Variants in NR5A2 observed in about 807,000 individuals in gnomAD.
NR5A2 encodes CYP7A promoter-binding factor.
A neutral mutation model predicts 62.7 loss-of-function variants in NR5A2; 26 were observed. That is an observed-to-expected ratio of 0.41 (90% CI 0.30 to 0.58). The LOEUF (loss-of-function observed/expected upper bound fraction) is 0.58. NR5A2 is among the 20% of genes least tolerant of loss of function. The pLI is 0.22. For synonymous variants in NR5A2, 246 were observed against 241.7 expected (o/e 1.02, Z -0.16); for missense variants, 541 against 669.1 (o/e 0.81, Z 2.11).
chr1:200,087,225 T>C, intron 5 of NR5A2, among the ~76,000 whole-genome samples: 1 of 140,746 alleles, frequency 7.1e-6, no homozygotes, highest in Admixed American at 7.3e-5. Flanking sequence ...CTTCAACACA[T>C]ACACCCTTCT....
chr1:200,076,736 A>G (rs1664058204), intron 5 of NR5A2, among the ~76,000 whole-genome samples: 1 of 152,190 alleles, frequency 6.6e-6, no homozygotes, highest in Non-Finnish European at 1.5e-5. Flanking sequence ...TGACTTGCTT[A>G]GCATTTTTGT....
intron 7 of NR5A2, among the ~76,000 whole-genome samples, chr1:200,164,008 CTGGTGTTGTCTTGG>C (rs1653777529): frequency 6.6e-6 from 1 of 151,952 alleles, no homozygotes; most frequent in Non-Finnish European, 1.5e-5. Flanking sequence ...CCCTCAGGGC[CTGGTGTTGTCTTGG>C]TGATAGTGAG....
chr1:200,143,338 C>G (rs920347491), intron 7 of NR5A2, among the ~76,000 whole-genome samples: 3 of 152,184 alleles, frequency 2.0e-5, no homozygotes, highest in Admixed American at 6.5e-5. Context: ...AACTCCCAGT[C>G]CGGGGATATA....
In NR5A2 at chr1:200,077,193, T is replaced by C. The variant is rs78170298; in HGVS notation, c.1110+28375T>C. On this transcript the variant is annotated intron_variant, in intron 5 of 7. Transcript: ENST00000367362. ...TGTTTTATGTTGTTTTAAAAACATA[T>C]GTATTTCTCATAATTAGGTTTCGGC... Among the ~76,000 whole-genome samples the C allele has an allele frequency of 2.4e-3, 364 of 152,354 alleles. 4 individuals carry two copies. The East Asian group carries it at 0.03, about 13-fold the overall frequency.
intron 6 of NR5A2, among the ~76,000 whole-genome samples, chr1:200,113,790 A>G (rs1231488148): frequency 2.0e-5 from 3 of 152,224 alleles, no homozygotes; most frequent in Non-Finnish European, 2.9e-5. Flanking sequence ...TGTGTACACA[A>G]ATTTTAAGAA....
At chr1:200,136,873 A>G (rs1315609580) in intron 7 of NR5A2, among the ~76,000 whole-genome samples, 1 of 152,234 alleles carries the variant, frequency 6.6e-6, no homozygotes, top group Non-Finnish European at 1.5e-5. Context: ...CGGTTTCAAG[A>G]AGTATCACAG....
chr1:200,111,609 A>G (rs1173152572), intron 6 of NR5A2, among the ~76,000 whole-genome samples: 1 of 152,194 alleles, frequency 6.6e-6, no homozygotes, highest in Non-Finnish European at 1.5e-5. Flanking sequence ...AATGATTAGT[A>G]CCCAGGTTTT....
At chr1:200,096,957 A>C (rs1304371527) in intron 5 of NR5A2, among the ~76,000 whole-genome samples, 1 of 152,218 alleles carries the variant, frequency 6.6e-6, no homozygotes, top group African/African-American at 2.4e-5. Flanking sequence ...GAAATCACCT[A>C]ATGATGCATT....
In NR5A2 at chr1:200,089,339, C is replaced by T. The variant is rs571600655; in HGVS notation, c.1111-21863C>T. Among the ~76,000 whole-genome samples the T allele has an allele frequency of 1.4e-4, 21 of 151,794 alleles. 1 individual carries two copies. The South Asian group carries it at 2.3e-3, about 17-fold the overall frequency. On this transcript the variant is annotated intron_variant, in intron 5 of 7. Coordinates refer to ENST00000367362, the MANE Select transcript of NR5A2 (RefSeq NM_205860.3). ...AAGAGATTCTCATGTTACAGCCTCC[C>T]GAGTAGAGACTGGGTTTCGCCACTT...
chr1:200,048,061 C>A lies in NR5A2; in HGVS notation c.464-111C>A. 2 of 1,032,690 alleles carry A rather than the reference C, an allele frequency of 1.9e-6. No individual in the cohort carries two copies. The highest frequency in any genetic ancestry group is 2.8e-6 in the Non-Finnish European group (2 of 709,380). The allele number at this position is 1,032,690 out of a possible 1,614,324, so 64.0% of individuals were successfully genotyped here. A position where few individuals can be genotyped will look rare whatever the true frequency, so the allele number is the denominator to read the frequency against. ...TTGTGGGCTATTGTAACGAAAACAA[C>A]CACACACATACCACTTCTTGTCGAT... On this transcript the variant is annotated intron_variant, in intron 4 of 7. Coordinates refer to ENST00000367362, the MANE Select transcript of NR5A2 (RefSeq NM_205860.3). This position sits in a 1 kb window ranked among gnomAD's most constrained non-coding sequence, Gnocchi z 4.8.
chr1:200,111,426 A>AC, intron 6 of NR5A2, 105 bp downstream of exon 6: 1 of 1,259,320 alleles, frequency 7.9e-7, no homozygotes, highest in South Asian at 1.5e-5. Flanking sequence ...TTTGAAAGGG[A>AC]GAGATTGGCT....
intron 5 of NR5A2, among the ~76,000 whole-genome samples, chr1:200,055,570 G>A (rs2102182908): frequency 6.6e-6 from 1 of 152,272 alleles, no homozygotes; most frequent in East Asian, 1.9e-4. Flanking sequence ...TTGCCATATG[G>A]CTGTTCTTTG....
intron 7 of NR5A2, among the ~76,000 whole-genome samples, chr1:200,146,102 T>C (rs1403374539): frequency 1.4e-5 from 2 of 147,728 alleles, no homozygotes; most frequent in Non-Finnish European, 2.9e-5. Context: ...TATTAAAGAC[T>C]ACTAAGTACA....
In NR5A2 at chr1:200,138,558, A is replaced by G. The variant is rs539322971; in HGVS notation, c.1378+17603A>G. Among the ~76,000 whole-genome samples the G allele has an allele frequency of 2.0e-5, 3 of 152,112 alleles. No individual in the cohort carries two copies. The East Asian group carries it at 5.8e-4, about 29-fold the overall frequency. ...AGTGTATTAAGGCCTTGCTTTTCTT[A>G]ATATGAATCTTTAATGTCCAGAATT... is the stretch of plus-strand genomic sequence containing the variant. On this transcript the variant is annotated intron_variant, in intron 7 of 7. Coordinates refer to ENST00000367362, the MANE Select transcript of NR5A2 (RefSeq NM_205860.3).
At chr1:200,096,758 A>G (rs539877603) in intron 5 of NR5A2, among the ~76,000 whole-genome samples, 1 of 152,308 alleles carries the variant, frequency 6.6e-6, no homozygotes, top group African/African-American at 2.4e-5. Flanking sequence ...ATATTATAAT[A>G]ATGTATTTTT....
At chr1:200,083,744 A>G (rs1416733758) in intron 5 of NR5A2, among the ~76,000 whole-genome samples, 2 of 152,082 alleles carry the variant, frequency 1.3e-5, no homozygotes, top group Non-Finnish European at 2.9e-5. Flanking sequence ...AGGCAGGTGG[A>G]TCACCTGAGG....
intron 5 of NR5A2, among the ~76,000 whole-genome samples, chr1:200,073,076 C>T (rs1663813785): frequency 6.6e-6 from 1 of 151,650 alleles, no homozygotes; most frequent in African/African-American, 2.4e-5. Context: ...TTTTTGTTAA[C>T]TTATTTGGTT....
At position 200,139,427 on chromosome 1, in the gene NR5A2, AGTCTTTT is replaced by A. The variant is rs545147985; in HGVS notation, c.1378+18473_1378+18479del. The stretch of plus-strand genomic sequence containing the variant: ...ATAACAGGTACTCTTGTCTTATTTC[AGTCTTTT>A]ATAGGAATCATTCTAAAGTCAAATG... On this transcript the variant is annotated intron_variant, in intron 7 of 7. Coordinates refer to ENST00000367362, the MANE Select transcript of NR5A2 (RefSeq NM_205860.3). 9.8e-5 allele frequency among the ~76,000 whole-genome samples: 15 copies of A among 152,292 alleles called. 1 individual carries two copies. The South Asian group carries it at 3.1e-3, about 32-fold the overall frequency.
At chr1:200,038,806 C>T (rs759132315) in intron 1 of NR5A2, 3 of 1,279,692 alleles carry the variant, frequency 2.3e-6, no homozygotes, top group Non-Finnish European at 2.1e-6. Context: ...CCCCCCGCCC[C>T]GGGCCAGGGT....
Sources: gnomAD v4.1 joint callset for allele counts (sites outside exome capture counted in the v4.1 genomes callset) on GRCh38, gnomAD v4.1.1 for gene constraint, Gnocchi (gnomAD v3.1) non-coding constraint, MANE v1.5 for transcripts, NCBI Gene and HGNC (gene_info 2026-07-23, HGNC 2026-07-21) for gene names.